The following MTOR variants were observed in gnomAD, a reference collection of about 807,000 sequenced individuals.
MTOR encodes the protein mechanistic target of rapamycin kinase.
MTOR carries 70 observed loss-of-function variants against 319.8 expected under a neutral mutation model. That is an observed-to-expected ratio of 0.22 (90% confidence interval 0.18 to 0.27). MTOR has a LOEUF of 0.27. Ranked by LOEUF, MTOR falls within the 10% of genes least tolerant of loss-of-function variation. MTOR has a pLI of 1.00. For synonymous variants in MTOR, 1,183 were observed against 1,211.4 expected, an observed-to-expected ratio of 0.98 and a Z score of 0.49; for missense variants, 1,890 against 3,274.4, an observed-to-expected ratio of 0.58 and a Z score of 10.32.
intron 30 of MTOR, among the ~76,000 whole-genome samples, chr1:11,155,610 G>T (rs929849045): frequency 6.6e-6 from 1 of 152,104 alleles, no homozygotes; most frequent in Non-Finnish European, 1.5e-5. Flanking sequence ...GAACAAAAAG[G>T]CCTACTAAAA....
In MTOR at chr1:11,115,253, A is replaced by T; in HGVS notation, c.7089+143T>A. ...ACTAAGAGCCCAGATTTCATTTCTT[A>T]GACTGACTTAACTACAGCCTTGGTA... On this transcript the variant is annotated intron_variant, in intron 51 of 57. Transcript: ENST00000361445. The surrounding 1 kb of genome is among the most constrained non-coding windows in gnomAD (Gnocchi z 4.5). 2 of 792,822 alleles carry T rather than the reference A, an allele frequency of 2.5e-6. No individual in the cohort carries two copies. The highest frequency in any genetic ancestry group is 4.3e-6 in the Non-Finnish European group (2 of 464,766). 49.1% of individuals were successfully genotyped at this position (792,822 alleles called of 1,614,324 possible). A position where few individuals can be genotyped will look rare whatever the true frequency, so the allele number is the denominator to read the frequency against.
At chr1:11,140,036 G>T (rs991960686) in intron 34 of MTOR, among the ~76,000 whole-genome samples, 3 of 152,046 alleles carry the variant, frequency 2.0e-5, no homozygotes, top group African/African-American at 7.2e-5. Flanking sequence ...TGATGGCAAG[G>T]CTGCTCTCGA....
intron 28 of MTOR, among the ~76,000 whole-genome samples, chr1:11,172,509 G>C (rs1241984657): frequency 1.5e-5 from 2 of 134,602 alleles, no homozygotes; most frequent in Non-Finnish European, 3.1e-5. Flanking sequence ...GCTGTGAGCC[G>C]AGATCACACC....
intron 29 of MTOR, among the ~76,000 whole-genome samples, chr1:11,163,147 T>C (rs1020592456): frequency 1.3e-5 from 2 of 151,972 alleles, no homozygotes; most frequent in African/African-American, 4.8e-5. Flanking sequence ...TAGTCTCTGA[T>C]AAAACAGACT....
chr1:11,119,782 A>C (rs1252467415), intron 49 of MTOR, among the ~76,000 whole-genome samples: 1 of 151,176 alleles, frequency 6.6e-6, no homozygotes, highest in Non-Finnish European at 1.5e-5. Flanking sequence ...CAAACAAACA[A>C]ACAAAAAAAA....
intron 29 of MTOR, among the ~76,000 whole-genome samples, chr1:11,165,484 C>G (rs1644614104): frequency 2.6e-5 from 4 of 151,926 alleles, no homozygotes; most frequent in Admixed American, 2.0e-4. Context: ...TGAGTGAACT[C>G]CCATTCACAA....
chr1:11,110,048 A>G (rs1641778231), intron 54 of MTOR, among the ~76,000 whole-genome samples: 1 of 152,182 alleles, frequency 6.6e-6, no homozygotes, highest in South Asian at 2.1e-4. Flanking sequence ...ATGTGAGTTA[A>G]TAATTATTGA....
intron 34 of MTOR, chr1:11,144,342 G>C: frequency 3.4e-6 from 1 of 296,952 alleles, no homozygotes; most frequent in South Asian, 6.4e-5. Flanking sequence ...TGCTAAGGTT[G>C]AGAACCACTG....
At chr1:11,255,899 C>A in intron 5 of MTOR, 93 bp downstream of exon 5, 1 of 1,159,508 alleles carries the variant, frequency 8.6e-7, no homozygotes, top group Admixed American at 2.7e-5. Context: ...GTGATTCTTG[C>A]TCCATGGCAA....
Position 11,107,408 on chromosome 1 carries a change from G to T in MTOR, c.*77C>A. On this transcript the variant is annotated 3_prime_UTR_variant, in exon 58 of 58. Coordinates refer to ENST00000361445, the MANE Select transcript of MTOR (RefSeq NM_004958.4). ...TAACAAAGTCAAACTTTCTCACCAT[G>T]GTTTCAGTTTAGTGGAAGCATTTAC... The T allele has an allele frequency of 6.4e-7, 1 of 1,573,034 alleles. No homozygotes were observed. Among genetic ancestry groups the T allele is most frequent in the South Asian group, 1.2e-5 (1 of 84,102 alleles).
At chr1:11,157,697 G>A (rs193148105) in intron 29 of MTOR, among the ~76,000 whole-genome samples, 1 of 152,152 alleles carries the variant, frequency 6.6e-6, no homozygotes, top group East Asian at 1.9e-4. Flanking sequence ...CGATCTGCTG[G>A]AGTGCTGACA....
At chr1:11,114,780 T>A in intron 52 of MTOR, 33 bp downstream of exon 52, 1 of 1,602,938 alleles carries the variant, frequency 6.2e-7, no homozygotes, top group Non-Finnish European at 8.5e-7. Flanking sequence ...CCTGATCCCA[T>A]TTGGAAGCAG....
chr1:11,177,484 C>T (rs1352513381), intron 28 of MTOR, among the ~76,000 whole-genome samples: 3 of 152,206 alleles, frequency 2.0e-5, no homozygotes, highest in East Asian at 1.9e-4. Flanking sequence ...CTTGAGCCCA[C>T]GAGTGTGAGG....
rs1163279346 is a variant in MTOR at position 11,107,121 on chromosome 1, G to A, written c.*364C>T. On this transcript the variant is annotated 3_prime_UTR_variant, in exon 58 of 58. Coordinates refer to ENST00000361445, the MANE Select transcript of MTOR (RefSeq NM_004958.4). The stretch of plus-strand genomic sequence containing the variant: ...GTTTGCTGTACCCATGTTGAGAGGA[G>A]CAACTAGGTCATTCTTCCATCAGCA... 2.2e-6 allele frequency: 3 copies of A among 1,377,088 alleles called. No individual in the cohort carries two copies. Among genetic ancestry groups the A allele is most frequent in the Admixed American group, 4.3e-5 (2 of 46,162 alleles). The allele number at this position is 1,377,088 out of a possible 1,614,324, so 85.3% of individuals were successfully genotyped here.
At chr1:11,191,359 C>T (rs1284128669) in intron 28 of MTOR, among the ~76,000 whole-genome samples, 1 of 152,160 alleles carries the variant, frequency 6.6e-6, no homozygotes, top group African/African-American at 2.4e-5. Flanking sequence ...CGAAGGCACA[C>T]GTACTCTACC....
rs773026429 is a variant in MTOR at position 11,133,217 on chromosome 1, C to T, written c.5247-20G>A. The T allele has an allele frequency of 1.1e-4, 169 of 1,604,338 alleles. No homozygotes were observed. The highest frequency in any genetic ancestry group is 1.4e-4 in the Non-Finnish European group (163 of 1,171,322). Reference sequence around the variant, plus strand: ...AAGCATCTGGAAGCAGAGAAACAAGCCCCCATGACATTCCCTCCTCAAAAC... The same window carrying T: ...AAGCATCTGGAAGCAGAGAAACAAGTCCCCATGACATTCCCTCCTCAAAAC... On this transcript the variant is annotated intron_variant, in intron 37 of 57. Coordinates refer to ENST00000361445, the MANE Select transcript of MTOR (RefSeq NM_004958.4). The surrounding 1 kb of genome is among the most constrained non-coding windows in gnomAD (Gnocchi z 4.0).
chr1:11,120,414 T>C (rs901106201), intron 49 of MTOR, among the ~76,000 whole-genome samples: 1 of 151,938 alleles, frequency 6.6e-6, no homozygotes, highest in Non-Finnish European at 1.5e-5. Flanking sequence ...GGTACGTGCC[T>C]GTAATCCCAG....
intron 49 of MTOR, among the ~76,000 whole-genome samples, chr1:11,118,850 G>A (rs1008515308): frequency 2.0e-5 from 3 of 151,978 alleles, no homozygotes; most frequent in East Asian, 1.9e-4. Flanking sequence ...GGTCTCAAAC[G>A]CCTGAGCTTC....
chr1:11,144,920 T>C, intron 33 of MTOR, 48 bp downstream of exon 33: 2 of 1,600,782 alleles, frequency 1.2e-6, no homozygotes, highest in East Asian at 4.5e-5. Context: ...GAAAAAAGTA[T>C]GGAAATAAGC....
Sources: gnomAD v4.1 joint callset for allele counts (sites outside exome capture counted in the v4.1 genomes callset) on GRCh38, gnomAD v4.1.1 for gene constraint, Gnocchi (gnomAD v3.1) non-coding constraint, MANE v1.5 for transcripts, NCBI Gene and HGNC (gene_info 2026-07-23, HGNC 2026-07-21) for gene names.